ZNF385B: variants seen among roughly 807,000 people sequenced by gnomAD.
The protein encoded by ZNF385B is zinc finger protein 385B.
Under a neutral mutation model 39.2 loss-of-function variants are expected in ZNF385B, and 23 were observed. The observed-to-expected ratio is 0.59, with a 90% CI of 0.42 to 0.83. The LOEUF (loss-of-function observed/expected upper bound fraction) is 0.83, where lower values mean the gene tolerates loss of function less well. Ranked by LOEUF, ZNF385B falls within the 40% of genes least tolerant of loss-of-function variation. The probability of loss-of-function intolerance (pLI) is 0.00; values close to 1 mark genes in which losing one functional copy is unlikely to be tolerated. For missense variants in ZNF385B, 552 were observed against 598.9 expected (o/e 0.92, Z 0.82); for synonymous variants, 205 against 222.6 (o/e 0.92, Z 0.70).
chr2:179,533,841 T>A (rs986697891), intron 4 of ZNF385B, among the ~76,000 whole-genome samples: 1 of 152,214 alleles, frequency 6.6e-6, no homozygotes, highest in Non-Finnish European at 1.5e-5. Flanking sequence ...TTTAAAAATA[T>A]AGCAAGAAAC....
chr2:179,690,336 T>C (rs1044872563), intron 3 of ZNF385B, among the ~76,000 whole-genome samples: 15 of 152,186 alleles, frequency 9.9e-5, no homozygotes, highest in African/African-American at 3.6e-4. Context: ...CAGTAGTCCC[T>C]CAGTATAAAT....
At chr2:179,652,778 G>T (rs1400306440) in intron 3 of ZNF385B, among the ~76,000 whole-genome samples, 1 of 149,808 alleles carries the variant, frequency 6.7e-6, no homozygotes. Context: ...ATACATAATA[G>T]AGTACTATAA....
At chr2:179,738,651 A>G (rs1233540321) in intron 3 of ZNF385B, among the ~76,000 whole-genome samples, 1 of 152,204 alleles carries the variant, frequency 6.6e-6, no homozygotes, top group African/African-American at 2.4e-5. Flanking sequence ...GCTGCACATT[A>G]GAATCACGTT....
chr2:179,603,562 C>A (rs1688570837), intron 3 of ZNF385B, among the ~76,000 whole-genome samples: 1 of 152,166 alleles, frequency 6.6e-6, no homozygotes, highest in African/African-American at 2.4e-5. Flanking sequence ...ATGGTGGAGA[C>A]TGGCATAATC....
At chr2:179,639,802 G>C (rs919247822) in intron 3 of ZNF385B, among the ~76,000 whole-genome samples, 1 of 152,144 alleles carries the variant, frequency 6.6e-6, no homozygotes, top group Non-Finnish European at 1.5e-5. Context: ...TATTCACAAA[G>C]TTTCAAAGTA....
At chr2:179,552,506 A>G (rs2060641004) in intron 3 of ZNF385B, among the ~76,000 whole-genome samples, 1 of 149,336 alleles carries the variant, frequency 6.7e-6, no homozygotes, top group Non-Finnish European at 1.5e-5. Context: ...ACTCCAAAAG[A>G]TTTCTTTAAA....
At chr2:179,694,366 T>C (rs1288811296) in intron 3 of ZNF385B, among the ~76,000 whole-genome samples, 1 of 151,680 alleles carries the variant, frequency 6.6e-6, no homozygotes, top group Admixed American at 6.6e-5. Context: ...TTTTTTTTTT[T>C]GACTGCGAAT....
intron 3 of ZNF385B, among the ~76,000 whole-genome samples, chr2:179,649,769 A>C (rs1693045083): frequency 6.6e-6 from 1 of 152,170 alleles, no homozygotes; most frequent in Admixed American, 6.5e-5. Flanking sequence ...TAAGCATTGG[A>C]GGTTTGGGGA....
At chr2:179,675,406 C>T (rs1000309727) in intron 3 of ZNF385B, among the ~76,000 whole-genome samples, 1 of 152,142 alleles carries the variant, frequency 6.6e-6, no homozygotes, top group Non-Finnish European at 1.5e-5. Context: ...CCACATTGTT[C>T]AAGGGTCAAC....
chr2:179,857,351 T>C (rs1215291237), intron 1 of ZNF385B, among the ~76,000 whole-genome samples: 1 of 152,128 alleles, frequency 6.6e-6, no homozygotes, highest in Non-Finnish European at 1.5e-5. Flanking sequence ...ACAAAGCACA[T>C]ATATATCAGG....
At chr2:179,615,082 A>G (rs1367982922) in intron 3 of ZNF385B, among the ~76,000 whole-genome samples, 1 of 152,200 alleles carries the variant, frequency 6.6e-6, no homozygotes, top group African/African-American at 2.4e-5. Context: ...TTAGCTGACA[A>G]CGTCAGCAGC....
At chr2:179,649,163 C>A (rs1217586597) in intron 3 of ZNF385B, among the ~76,000 whole-genome samples, 6 of 152,086 alleles carry the variant, frequency 3.9e-5, no homozygotes, top group African/African-American at 1.4e-4. Context: ...ACAAACTGGG[C>A]AGTAATTTTC....
intron 5 of ZNF385B, among the ~76,000 whole-genome samples, chr2:179,502,846 A>G (rs2056888001): frequency 1.3e-5 from 2 of 152,072 alleles, no homozygotes; most frequent in African/African-American, 2.4e-5. Flanking sequence ...ATATTTATCT[A>G]CTCAAGCTGA....
chr2:179,643,640 A>G (rs533071249), intron 3 of ZNF385B, among the ~76,000 whole-genome samples: 3 of 152,316 alleles, frequency 2.0e-5, no homozygotes, highest in African/African-American at 7.2e-5. Flanking sequence ...ATGATTCCAT[A>G]TATGTAACAT....
intron 3 of ZNF385B, among the ~76,000 whole-genome samples, chr2:179,693,068 GT>G (rs2106347433): frequency 6.6e-6 from 1 of 152,312 alleles, no homozygotes; most frequent in Non-Finnish European, 1.5e-5. Context: ...GCCTTTTTAA[GT>G]TTGAGAAGCA....
intron 1 of ZNF385B, among the ~76,000 whole-genome samples, chr2:179,786,947 CTCAG>C (rs892511559): frequency 2.0e-5 from 3 of 152,158 alleles, no homozygotes; most frequent in South Asian, 2.1e-4. Flanking sequence ...GGTTAAAGAA[CTCAG>C]TCAATCTGAA....
intron 3 of ZNF385B, chr2:179,659,934 CTAG>C (rs1451532870): frequency 2.0e-5 from 3 of 152,546 alleles, no homozygotes; most frequent in African/African-American, 7.2e-5. Flanking sequence ...ACCTAAAAAT[CTAG>C]TAGGACAAAT....
intron 1 of ZNF385B, among the ~76,000 whole-genome samples, chr2:179,799,414 ATT>A (rs1300723092): frequency 2.0e-5 from 3 of 152,032 alleles, no homozygotes; most frequent in Non-Finnish European, 4.4e-5. Context: ...TAGTAGATGA[ATT>A]TTCATCTCCT....
intron 3 of ZNF385B, among the ~76,000 whole-genome samples, chr2:179,714,962 C>A (rs943708392): frequency 6.0e-3 from 266 of 43,980 alleles, no homozygotes; most frequent in East Asian, 0.029. Context: ...AAAAAAAAAA[C>A]AGTTTCCTGA....
Sources: gnomAD v4.1 joint callset for allele counts (sites outside exome capture counted in the v4.1 genomes callset) on GRCh38, gnomAD v4.1.1 for gene constraint, MANE v1.5 for transcripts, NCBI Gene and HGNC (gene_info 2026-07-23, HGNC 2026-07-21) for gene names.